PPHLN1: variants seen among roughly 807,000 people sequenced by gnomAD.
PPHLN1 encodes the protein periphilin 1, also known as periphilin-1.
A neutral mutation model predicts 51.3 loss-of-function variants in PPHLN1; 29 were observed. That is an observed-to-expected ratio of 0.57 (90% confidence interval 0.42 to 0.77). The LOEUF is 0.77. Ranked by LOEUF, PPHLN1 falls within the 30% of genes least tolerant of loss-of-function variation. The pLI, the probability that PPHLN1 is intolerant of heterozygous loss-of-function variation, is 0.00. For missense variants in PPHLN1, 436 were observed against 438.4 expected (o/e 0.99, Z 0.05); for synonymous variants, 147 against 147.8 (o/e 0.99, Z 0.04).
At chr12:42,390,508 T>TA (rs149841013) in intron 7 of PPHLN1, among the ~76,000 whole-genome samples, 4,700 of 146,174 alleles carry the variant, frequency 0.032, 98 homozygotes, top group Non-Finnish European at 0.05. Context: ...TGCTACATGT[T>TA]AAAAGTTTTA....
intron 8 of PPHLN1, among the ~76,000 whole-genome samples, chr12:42,395,333 A>G (rs1388773952): frequency 2.0e-5 from 3 of 152,062 alleles, no homozygotes; most frequent in Non-Finnish European, 2.9e-5. Flanking sequence ...TAATATGTTT[A>G]TTTCTGTATG....
intron 9 of PPHLN1, among the ~76,000 whole-genome samples, chr12:42,405,737 T>C (rs1771763438): frequency 6.6e-6 from 1 of 152,204 alleles, no homozygotes. Flanking sequence ...ATCTTAAGAT[T>C]TTTAATCCCT....
chr12:42,427,131 A>T (rs984592491), intron 9 of PPHLN1, among the ~76,000 whole-genome samples: 3 of 152,162 alleles, frequency 2.0e-5, no homozygotes, highest in Non-Finnish European at 4.4e-5. Flanking sequence ...CAGTCAGGAC[A>T]TTGCACTTTT....
Position 42,436,387 on chromosome 12 carries a change from TAA to T in PPHLN1, c.910-4926_910-4925del, listed in dbSNP as rs138774737. Among the ~76,000 whole-genome samples, 1,383 of 152,336 alleles carry T rather than the reference TAA, an allele frequency of 9.1e-3. 21 individuals are homozygous for T. The highest frequency in any genetic ancestry group is 0.031 in the African/African-American group (1,287 of 41,574). On this transcript the variant is annotated intron_variant, in intron 9 of 9. Coordinates refer to ENST00000358314, the MANE Select transcript of PPHLN1 (RefSeq NM_201439.2). The stretch of plus-strand genomic sequence containing the variant: ...CCCTGGCCTCAGCTGGCATTACTGC[TAA>T]AGATTATAAAATCAATCTCTTCCTC...
At chr12:42,431,895 A>G in intron 9 of PPHLN1, 1 of 1,595,476 alleles carries the variant, frequency 6.3e-7, no homozygotes, top group Non-Finnish European at 8.6e-7. Flanking sequence ...CCATCAGAAC[A>G]GCATCTTCAT....
intron 6 of PPHLN1, among the ~76,000 whole-genome samples, chr12:42,385,623 T>C (rs2077130610): frequency 6.6e-6 from 1 of 152,248 alleles, no homozygotes; most frequent in Non-Finnish European, 1.5e-5. Context: ...ATTGAGCCTG[T>C]AATTATGCCT....
chr12:42,415,413 C>A lies in PPHLN1; in HGVS notation c.909+16419C>A, dbSNP rs11834574. On this transcript the variant is annotated intron_variant, in intron 9 of 9. Transcript: ENST00000358314. ...TCTTGGAACTCCTGACCTCATGATTCACCCGCCTCGGCCTCCCAAAGTGCT... is the reference window on the plus strand; with the variant it reads ...TCTTGGAACTCCTGACCTCATGATTAACCCGCCTCGGCCTCCCAAAGTGCT... Among the ~76,000 whole-genome samples the A allele has an allele frequency of 1.3e-3, 191 of 152,350 alleles. 2 individuals are homozygous for A. The highest frequency in any genetic ancestry group is 4.5e-3 in the African/African-American group (185 of 41,568).
At chr12:42,445,659 T>A (rs972172141), downstream of PPHLN1, 4 of 237,550 alleles carry the variant, frequency 1.7e-5, no homozygotes, top group Non-Finnish European at 2.5e-5. Flanking sequence ...CGTCCAACAT[T>A]CCACAGGCAT....
At chr12:42,434,837 G>A (rs11181504) in intron 9 of PPHLN1, among the ~76,000 whole-genome samples, 9,128 of 152,236 alleles carry the variant, frequency 0.06, 392 homozygotes, top group East Asian at 0.2. Context: ...GGGACTACAG[G>A]TGCATGCCAC....
chr12:42,394,785 A>G (rs1389614790), intron 8 of PPHLN1, among the ~76,000 whole-genome samples: 1 of 152,068 alleles, frequency 6.6e-6, no homozygotes, highest in Non-Finnish European at 1.5e-5. Context: ...AAGCATGAAC[A>G]ATACTTTTCA....
intron 4 of PPHLN1, among the ~76,000 whole-genome samples, chr12:42,357,075 A>G (rs12579754): frequency 4.6e-5 from 7 of 152,068 alleles, no homozygotes; most frequent in Non-Finnish European, 1.0e-4. Context: ...TCACCAAAAG[A>G]GTATGAGGCC....
intron 7 of PPHLN1, among the ~76,000 whole-genome samples, chr12:42,393,209 C>CT (rs1445339711): frequency 6.6e-6 from 1 of 152,122 alleles, no homozygotes; most frequent in African/African-American, 2.4e-5. Context: ...TTAGACATTA[C>CT]TTATTTCATT....
intron 9 of PPHLN1, chr12:42,399,523 G>A (rs1336271171): frequency 1.4e-6 from 1 of 714,318 alleles, no homozygotes; most frequent in African/African-American, 1.9e-5. Context: ...TGAAGTAAAT[G>A]TGAAAGGGTT....
intron 9 of PPHLN1, among the ~76,000 whole-genome samples, chr12:42,427,849 C>T (rs1041168792): frequency 6.6e-6 from 1 of 152,170 alleles, no homozygotes; most frequent in Non-Finnish European, 1.5e-5. Context: ...AAGATCTTTA[C>T]AATCTGTACA....
rs139252819 is a variant in PPHLN1, at chr12:42,356,632, G to A, written c.299+1410G>A. Among the ~76,000 whole-genome samples, 408 of 152,286 alleles carry A rather than the reference G, an allele frequency of 2.7e-3. 1 individual carries two copies. Among genetic ancestry groups the A allele is most frequent in the Middle Eastern group, 6.8e-3 (2 of 294 alleles). On this transcript the variant is annotated intron_variant, in intron 4 of 9. Transcript: ENST00000358314. ...TGGCAGACTGTTTCTTCCAAAAGAA[G>A]CAATAGAATAGATGCCGAAAAAAAT... is the stretch of plus-strand genomic sequence containing the variant.
At chr12:42,383,248 A>G (rs987412999) in intron 5 of PPHLN1, among the ~76,000 whole-genome samples, 3 of 152,208 alleles carry the variant, frequency 2.0e-5, no homozygotes, top group Non-Finnish European at 2.9e-5. Context: ...GCATTTGCTG[A>G]TATCTGTGGA....
chr12:42,427,531 A>T (rs1028593272), intron 9 of PPHLN1, among the ~76,000 whole-genome samples: 1 of 152,186 alleles, frequency 6.6e-6, no homozygotes, highest in African/African-American at 2.4e-5. Flanking sequence ...AGGACACCCT[A>T]TTCAACAAAT....
intron 9 of PPHLN1, among the ~76,000 whole-genome samples, chr12:42,412,532 GTGCTA>G (rs2079967045): frequency 6.6e-6 from 1 of 151,706 alleles, no homozygotes; most frequent in African/African-American, 2.4e-5. Context: ...ATTGTGAATT[GTGCTA>G]CAATAAACGT....
Position 42,441,590 on chromosome 12 carries a change from G to T in PPHLN1, c.*81G>T. On this transcript the variant is annotated 3_prime_UTR_variant, in exon 10 of 10. Transcript: ENST00000358314. The stretch of plus-strand genomic sequence containing the variant: ...TGGATTGTGTAAATCCTTAATATAT[G>T]GAATTTTTGTGATGCAGAGAAATAC... The T allele has an allele frequency of 7.3e-7, 1 of 1,373,160 alleles. No homozygotes were observed. Among genetic ancestry groups the T allele is most frequent in the Non-Finnish European group, 9.4e-7 (1 of 1,059,164 alleles). The allele number at this position is 1,373,160 out of a possible 1,614,324, so 85.1% of individuals were successfully genotyped here.
Sources: gnomAD v4.1 joint callset for allele counts (sites outside exome capture counted in the v4.1 genomes callset) on GRCh38, gnomAD v4.1.1 for gene constraint, MANE v1.5 for transcripts, NCBI Gene and HGNC (gene_info 2026-07-23, HGNC 2026-07-21) for gene names.